CBR4: variants seen among roughly 807,000 people sequenced by gnomAD.
CBR4 encodes the protein 3-oxoacyl-[acyl-carrier-protein] reductase.
A neutral mutation model predicts 21.0 loss-of-function variants in CBR4; 22 were observed. The observed-to-expected ratio is 1.05, with a 90% CI of 0.75 to 1.50. The LOEUF (loss-of-function observed/expected upper bound fraction) is 1.50. CBR4 is among the 40% of genes most tolerant of loss of function. The pLI, the probability that CBR4 is intolerant of heterozygous loss-of-function variation, is 0.00. For synonymous variants in CBR4, 100 were observed against 104.4 expected, an observed-to-expected ratio of 0.96 and a Z score of 0.26; for missense variants, 302 against 286.3, an observed-to-expected ratio of 1.05 and a Z score of -0.40.
At position 168,950,536 on chromosome 4, in the gene CBR4, T is replaced by C. The variant is rs112690683; in HGVS notation, n.169+51535A>G. On this transcript the variant is annotated intron_variant and non_coding_transcript_variant, in intron 2 of 3. Coordinates refer to the CBR4 transcript ENST00000509108. The stretch of plus-strand genomic sequence containing the variant: ...ATCATATGGTCTATCTTGGAGAAAA[T>C]TCCATGCACTGCTGAATGGAAAGTG... 9.3e-4 allele frequency among the ~76,000 whole-genome samples: 141 copies of C among 152,264 alleles called. 1 individual carries two copies. Among genetic ancestry groups the C allele is most frequent in the African/African-American group, 3.3e-3 (136 of 41,558 alleles).
intron 2 of CBR4, among the ~76,000 whole-genome samples, chr4:168,981,613 T>C (rs940868231): frequency 3.3e-5 from 5 of 151,846 alleles, no homozygotes; most frequent in Non-Finnish European, 7.4e-5. Flanking sequence ...CCAAGAAATA[T>C]GGAATTATGT....
intron 2 of CBR4, among the ~76,000 whole-genome samples, chr4:168,940,223 A>C: frequency 6.6e-6 from 1 of 152,206 alleles, no homozygotes; most frequent in South Asian, 2.1e-4. Context: ...CTGCTGGGAA[A>C]ACTGGCTAGC....
intron 2 of CBR4, among the ~76,000 whole-genome samples, chr4:168,947,089 C>T (rs112204420): frequency 1.3e-5 from 2 of 152,052 alleles, no homozygotes; most frequent in Admixed American, 6.6e-5. Context: ...CTCTACATGC[C>T]TCATAGACAT....
At chr4:169,007,879 A>G (rs1040808928) in intron 1 of CBR4, 123 bp from the exon 2 acceptor site, 23 of 592,474 alleles carry the variant, frequency 3.9e-5, no homozygotes, top group Non-Finnish European at 5.7e-5. Flanking sequence ...AAGATTAAAA[A>G]AGTAATGTCA....
chr4:168,916,280 C>T (rs924119137), intron 2 of CBR4, among the ~76,000 whole-genome samples: 2 of 152,008 alleles, frequency 1.3e-5, no homozygotes, highest in African/African-American at 2.4e-5. Flanking sequence ...GGCGTGGTGG[C>T]GTGTGCCTAT....
intron 2 of CBR4, chr4:168,898,762 GT>G: frequency 8.0e-7 from 1 of 1,257,162 alleles, no homozygotes; most frequent in Non-Finnish European, 1.2e-6. Flanking sequence ...CTGAGGAAAG[GT>G]TTAGCTTCCA....
rs1757085081 is a variant in CBR4, at chr4:168,903,942, T to C, written n.170-9177A>G. On this transcript the variant is annotated intron_variant and non_coding_transcript_variant, in intron 2 of 3. Transcript: ENST00000509108. ...GTATAGGTCTGGGCTCAGTTCTGTG[T>C]CTAGTGCTTACAGGCATTTGATTAG... 9 of 1,587,468 alleles carry C rather than the reference T, an allele frequency of 5.7e-6. No homozygotes were observed. The East Asian group carries it at 1.6e-4, about 28-fold the overall frequency.
intron 2 of CBR4, among the ~76,000 whole-genome samples, chr4:168,920,558 A>C (rs1177807339): frequency 6.6e-6 from 1 of 152,204 alleles, no homozygotes; most frequent in Non-Finnish European, 1.5e-5. Context: ...ATTCAAAATC[A>C]AGGGCAAAAC....
intron 2 of CBR4, among the ~76,000 whole-genome samples, chr4:168,974,893 C>A (rs995067256): frequency 6.6e-6 from 1 of 151,936 alleles, no homozygotes. Context: ...CTTTTGAATT[C>A]TTTTTCTGGC....
At chr4:169,009,409 G>A (rs571049014) in intron 1 of CBR4, among the ~76,000 whole-genome samples, 2 of 152,288 alleles carry the variant, frequency 1.3e-5, no homozygotes, top group South Asian at 4.1e-4. Context: ...CTCAAAACTG[G>A]CTGGTACTCA....
At chr4:168,962,505 T>C (rs1380670502) in intron 2 of CBR4, among the ~76,000 whole-genome samples, 3 of 152,332 alleles carry the variant, frequency 2.0e-5, no homozygotes, top group East Asian at 3.9e-4. Context: ...CTCAGGTCTC[T>C]GGCTTGATCC....
At chr4:168,925,805 G>T (rs552717967) in intron 2 of CBR4, among the ~76,000 whole-genome samples, 2 of 152,174 alleles carry the variant, frequency 1.3e-5, no homozygotes, top group African/African-American at 4.8e-5. Flanking sequence ...CCTACTGTAC[G>T]ATTCCTTTCA....
intron 2 of CBR4, among the ~76,000 whole-genome samples, chr4:168,973,547 C>CG (rs1764278547): frequency 1.3e-5 from 2 of 152,206 alleles, no homozygotes; most frequent in African/African-American, 4.8e-5. Flanking sequence ...AGGTTGGTCT[C>CG]AAACTCCTGA....
chr4:169,001,838 T>A lies in CBR4; in HGVS notation c.535+233A>T, dbSNP rs989912611. ...GAGAGCCAAATAAGCCTCTTTTTTT[T>A]ATGAATTACCTCAGACAGTCCTTTA... On this transcript the variant is annotated intron_variant, in intron 4 of 4. Transcript: ENST00000306193. The A allele has an allele frequency of 1.8e-5, 5 of 273,978 alleles. No individual in the cohort carries two copies. The Admixed American group carries it at 2.1e-4, about 12-fold the overall frequency. 17.0% of individuals were successfully genotyped at this position (273,978 alleles called of 1,614,324 possible).
intron 4 of CBR4, among the ~76,000 whole-genome samples, chr4:168,999,764 T>C (rs1481520774): frequency 6.6e-6 from 1 of 152,160 alleles, no homozygotes; most frequent in African/African-American, 2.4e-5. Flanking sequence ...TTTAGTCTAC[T>C]GCCTTGACAA....
chr4:169,010,202 C>A lies in CBR4; in HGVS notation c.-113G>T. 17 of 940,210 alleles carry A rather than the reference C, an allele frequency of 1.8e-5. No individual in the cohort carries two copies. Among genetic ancestry groups the A allele is most frequent in the African/African-American group, 5.1e-5 (3 of 59,226 alleles). The allele number at this position is 940,210 out of a possible 1,614,324, so 58.2% of individuals were successfully genotyped here. The stretch of plus-strand genomic sequence containing the variant: ...AAAAAAAAAAAAAGAAAAAAAAAGG[C>A]AAACCGCAAAAAAAAATAACGCCGC... On this transcript the variant is annotated 5_prime_UTR_variant, in exon 1 of 5. Coordinates refer to ENST00000306193, the MANE Select transcript of CBR4 (RefSeq NM_032783.5).
At chr4:168,979,583 C>T (rs2126779297) in intron 2 of CBR4, among the ~76,000 whole-genome samples, 1 of 152,278 alleles carries the variant, frequency 6.6e-6, no homozygotes, top group East Asian at 1.9e-4. Context: ...CCTAGCTGCC[C>T]TTGGGCTGCA....
At position 168,903,774 on chromosome 4, in the gene CBR4, T is replaced by C; in HGVS notation, n.170-9009A>G. 2 of 1,612,724 alleles carry C rather than the reference T, an allele frequency of 1.2e-6. No individual in the cohort carries two copies. The highest frequency in any genetic ancestry group is 1.7e-6 in the Non-Finnish European group (2 of 1,178,760). On this transcript the variant is annotated intron_variant and non_coding_transcript_variant, in intron 2 of 3. Transcript: ENST00000509108. ...ATTCACAGATCTATTGGTTTAAAGA[T>C]GGGAAGCAGATCTCTCCAAAGAGTG...
intron 2 of CBR4, chr4:168,926,415 G>GAAAC (rs1560941154): frequency 1.3e-6 from 2 of 1,498,574 alleles, no homozygotes; most frequent in East Asian, 2.5e-5. Flanking sequence ...CTGAAACACT[G>GAAAC]AAACAGCCAT....
Sources: gnomAD v4.1 joint callset for allele counts (sites outside exome capture counted in the v4.1 genomes callset) on GRCh38, gnomAD v4.1.1 for gene constraint, MANE v1.5 for transcripts, NCBI Gene and HGNC (gene_info 2026-07-23, HGNC 2026-07-21) for gene names.